TTC23L: variants seen among roughly 807,000 people sequenced by gnomAD.
TTC23L encodes the protein tetratricopeptide repeat protein 23-like.
TTC23L carries 42 observed loss-of-function variants against 48.1 expected under a neutral mutation model. The ratio of observed to expected loss-of-function variants is 0.87; its 90% CI spans 0.68 to 1.13. The LOEUF (loss-of-function observed/expected upper bound fraction) is 1.13. TTC23L is among the 50% of genes most tolerant of loss of function. The pLI is 0.00. For synonymous variants in TTC23L, 159 were observed against 157.2 expected (o/e 1.01, Z -0.09); for missense variants, 391 against 421.0 (o/e 0.93, Z 0.62).
downstream of TTC23L, among the ~76,000 whole-genome samples, chr5:34,899,815 C>T (rs1234161536): frequency 1.3e-5 from 2 of 152,076 alleles, no homozygotes; most frequent in Non-Finnish European, 2.9e-5. Context: ...TCACTTGAAC[C>T]GGGGTCGGAG....
chr5:34,904,193 C>T (rs1294400421), downstream of TTC23L, among the ~76,000 whole-genome samples: 2 of 151,586 alleles, frequency 1.3e-5, no homozygotes, highest in Non-Finnish European at 2.9e-5. Context: ...AGTCTCAAAA[C>T]TCCTGGGCTA....
rs373203201 is a variant in TTC23L, at chr5:34,862,887, A to C, written c.380-11A>C. The C allele has an allele frequency of 1.2e-6, 2 of 1,613,306 alleles. No individual in the cohort carries two copies. Among genetic ancestry groups the C allele is most frequent in the African/African-American group, 2.7e-5 (2 of 74,848 alleles). On this transcript the variant is annotated splice_polypyrimidine_tract_variant and intron_variant, in intron 4 of 10. Transcript: ENST00000505624. Reference sequence around the variant, plus strand: ...TCTGTCTTCTTGCTCCTCACCCTCTAACTCCCCCAGGCCTCCCAGTTCAGG... The same window carrying C: ...TCTGTCTTCTTGCTCCTCACCCTCTCACTCCCCCAGGCCTCCCAGTTCAGG...
At chr5:34,890,441 CAAAAAA>C (rs57798773) in intron 9 of TTC23L, among the ~76,000 whole-genome samples, 1 of 56,674 alleles carries the variant, frequency 1.8e-5, no homozygotes, top group Non-Finnish European at 3.1e-5. Flanking sequence ...GACCCTGTCT[CAAAAAA>C]AAAAAAAAAA....
chr5:34,879,392 G>T (rs1008466247), intron 8 of TTC23L, among the ~76,000 whole-genome samples: 1 of 151,988 alleles, frequency 6.6e-6, no homozygotes, highest in Non-Finnish European at 1.5e-5. Flanking sequence ...TGATATAAAC[G>T]TATTATGTTT....
chr5:34,865,573 C>T (rs1055025599), intron 6 of TTC23L, among the ~76,000 whole-genome samples: 3 of 152,136 alleles, frequency 2.0e-5, no homozygotes, highest in African/African-American at 7.2e-5. Context: ...TTATTGAATA[C>T]CTTTTTTATG....
chr5:34,919,314 G>T, the TTC23L span, among the ~76,000 whole-genome samples: 2 of 150,678 alleles, frequency 1.3e-5, no homozygotes, highest in African/African-American at 4.9e-5. Flanking sequence ...TGGAACAGTG[G>T]AGTGGCAGCG....
intron 9 of TTC23L, among the ~76,000 whole-genome samples, chr5:34,886,360 A>AT (rs1406259715): frequency 1.8e-5 from 1 of 54,816 alleles, no homozygotes; most frequent in Non-Finnish European, 4.4e-5. Flanking sequence ...TGCCAGGCTG[A>AT]TTTAAAAAAA....
At chr5:34,917,789 A>G in the TTC23L span, among the ~76,000 whole-genome samples, 1 of 152,172 alleles carries the variant, frequency 6.6e-6, no homozygotes, top group Non-Finnish European at 1.5e-5. Context: ...AAGGATTAAG[A>G]GTTGTGGGAA....
chr5:34,883,913 G>A (rs1450788969), intron 9 of TTC23L, among the ~76,000 whole-genome samples: 1 of 151,980 alleles, frequency 6.6e-6, no homozygotes, highest in Non-Finnish European at 1.5e-5. Flanking sequence ...TTTTTATGAG[G>A]CCAGCATTAC....
the TTC23L span, chr5:34,919,851 G>T: frequency 3.5e-6 from 4 of 1,138,852 alleles, no homozygotes; most frequent in East Asian, 2.6e-5. Context: ...TACTAAAATG[G>T]ATCGTAAGGA....
chr5:34,914,024 C>T, the TTC23L span: 1 of 456,502 alleles, frequency 2.2e-6, no homozygotes, highest in Non-Finnish European at 4.4e-6. Flanking sequence ...CCATACCATG[C>T]CCCTGCATGA....
At chr5:34,889,838 GTTT>G (rs1333279872) in intron 9 of TTC23L, among the ~76,000 whole-genome samples, 1 of 147,776 alleles carries the variant, frequency 6.8e-6, no homozygotes, top group East Asian at 2.0e-4. Context: ...GTTTTTTTTT[GTTT>G]TTGTTTTTGT....
chr5:34,889,984 G>T, intron 9 of TTC23L, among the ~76,000 whole-genome samples: 1 of 151,822 alleles, frequency 6.6e-6, no homozygotes, highest in Non-Finnish European at 1.5e-5. Flanking sequence ...GACTACATGC[G>T]TATGCCACCA....
intron 8 of TTC23L, among the ~76,000 whole-genome samples, chr5:34,870,157 A>ATT (rs1250206567): frequency 6.6e-6 from 1 of 151,890 alleles, no homozygotes; most frequent in Non-Finnish European, 1.5e-5. Context: ...AAAAATATAG[A>ATT]TTTTTATATT....
At chr5:34,853,851 G>GC (rs1277191151) in intron 4 of TTC23L, among the ~76,000 whole-genome samples, 2 of 152,186 alleles carry the variant, frequency 1.3e-5, no homozygotes, top group East Asian at 3.9e-4. Flanking sequence ...ACAGAGACTA[G>GC]CTAAGGGTTT....
chr5:34,894,371 T>C (rs1224472976), intron 9 of TTC23L, among the ~76,000 whole-genome samples: 2 of 152,140 alleles, frequency 1.3e-5, no homozygotes, highest in African/African-American at 4.8e-5. Flanking sequence ...GCTTTAAGTG[T>C]CATGGAAGAA....
At chr5:34,850,200 A>C (rs1399640471) in exon 4 of TTC23L, 1 of 1,613,838 alleles carries the variant, frequency 6.2e-7, no homozygotes, top group South Asian at 1.1e-5. Flanking sequence ...TCAAGCAAAC[A>C]AGGAGCTGAT....
chr5:34,924,973 A>T, the TTC23L span: 3 of 1,612,860 alleles, frequency 1.9e-6, no homozygotes, highest in Non-Finnish European at 2.5e-6. Flanking sequence ...GTCACCAAAC[A>T]TGGTAAGCGG....
At chr5:34,902,337 A>G, downstream of TTC23L, 1 of 270,794 alleles carries the variant, frequency 3.7e-6, no homozygotes, top group Non-Finnish European at 7.9e-6. Flanking sequence ...AATCACTTGA[A>G]CCTGGGAGGT....
Sources: gnomAD v4.1 joint callset for allele counts (sites outside exome capture counted in the v4.1 genomes callset) on GRCh38, gnomAD v4.1.1 for gene constraint, MANE v1.5 for transcripts, NCBI Gene and HGNC (gene_info 2026-07-23, HGNC 2026-07-21) for gene names.